The following CERS6 variants were observed in gnomAD, a reference collection of about 807,000 sequenced individuals.
The protein encoded by CERS6 is LAG1 homolog, ceramide synthase 6.
A neutral mutation model predicts 56.8 loss-of-function variants in CERS6; 26 were observed. The ratio of observed to expected loss-of-function variants is 0.46; its 90% CI spans 0.34 to 0.63. CERS6 has a LOEUF of 0.63. Among genes scored for constraint, CERS6 ranks in the 30% least tolerant of loss-of-function variants. The probability of loss-of-function intolerance (pLI) is 0.01; values close to 1 mark genes in which losing one functional copy is unlikely to be tolerated. For synonymous variants in CERS6, 164 were observed against 173.3 expected, an observed-to-expected ratio of 0.95 and a Z score of 0.42; for missense variants, 415 against 467.5, an observed-to-expected ratio of 0.89 and a Z score of 1.04.
intron 2 of CERS6, among the ~76,000 whole-genome samples, chr2:168,556,014 G>T (rs1268140567): frequency 6.6e-6 from 1 of 151,882 alleles, no homozygotes; most frequent in African/African-American, 2.4e-5. Context: ...CAATGTTTCA[G>T]TATATTTACA....
At chr2:168,552,951 C>G (rs1433777595) in intron 2 of CERS6, among the ~76,000 whole-genome samples, 1 of 151,736 alleles carries the variant, frequency 6.6e-6, no homozygotes, top group African/African-American at 2.4e-5. Context: ...AAATATTTTA[C>G]CATAAATTTA....
At chr2:168,475,016 A>G (rs1694043853) in intron 1 of CERS6, among the ~76,000 whole-genome samples, 1 of 152,184 alleles carries the variant, frequency 6.6e-6, no homozygotes, top group South Asian at 2.1e-4. Flanking sequence ...TTCAGCAACA[A>G]CTATGAACTG....
At chr2:168,612,186 G>A (rs550606212) in intron 3 of CERS6, among the ~76,000 whole-genome samples, 6 of 152,174 alleles carry the variant, frequency 3.9e-5, no homozygotes, top group Non-Finnish European at 7.3e-5. Flanking sequence ...CATAGGGAGT[G>A]CCCAGGATCA....
At chr2:168,486,901 G>A (rs1019740457) in intron 1 of CERS6, among the ~76,000 whole-genome samples, 4 of 152,044 alleles carry the variant, frequency 2.6e-5, no homozygotes, top group Admixed American at 1.3e-4. Context: ...AGCTTTCACC[G>A]CTAATGTCAA....
At chr2:168,481,141 C>T (rs114015387) in intron 1 of CERS6, among the ~76,000 whole-genome samples, 2,945 of 152,230 alleles carry the variant, frequency 0.019, 71 homozygotes, top group African/African-American at 0.052. Context: ...GCTGGCCGGG[C>T]GCAGTGGCTC....
At chr2:168,487,592 G>A (rs1694297720) in intron 1 of CERS6, among the ~76,000 whole-genome samples, 1 of 152,134 alleles carries the variant, frequency 6.6e-6, no homozygotes, top group Non-Finnish European at 1.5e-5. Context: ...ATAACCTTAT[G>A]CTTACTTTAG....
rs773136218 is a variant in CERS6, at chr2:168,691,059, A to G, written c.491A>G (p.His164Arg). 5.0e-6 allele frequency: 8 copies of G among 1,613,268 alleles called. No homozygotes were observed. In the Admixed American group the frequency reaches 1.2e-4, roughly 24 times the overall value. The change falls in exon 5 of 10, where the codon CAT becomes CGT. Residue 164 changes from histidine to arginine, a missense_variant. His to Arg is a conservative substitution (Grantham distance 29, BLOSUM62 0). Transcript: ENST00000305747. ...KKTPWLWNTR[H>R]CWYNYPYQPL... is the part of the protein sequence containing the mutation. ...ACCCCCTGGTTGTGGAATACGAGGC[A>G]TTGCTGGTACAACTACCCCTATCAG...
intron 1 of CERS6, among the ~76,000 whole-genome samples, chr2:168,511,222 T>C (rs968458027): frequency 6.6e-6 from 1 of 152,244 alleles, no homozygotes; most frequent in Non-Finnish European, 1.5e-5. Context: ...TTTCATGATT[T>C]AATTCTACAT....
intron 8 of CERS6, among the ~76,000 whole-genome samples, chr2:168,732,355 G>A (rs1359356966): frequency 6.6e-6 from 1 of 152,106 alleles, no homozygotes; most frequent in Non-Finnish European, 1.5e-5. Context: ...CTTGCACCTG[G>A]TGCTGGTGCC....
At chr2:168,509,009 T>C (rs1694730928) in intron 1 of CERS6, among the ~76,000 whole-genome samples, 1 of 152,198 alleles carries the variant, frequency 6.6e-6, no homozygotes, top group South Asian at 2.1e-4. Context: ...ACTTTCTAGA[T>C]GGTAATTTAA....
At chr2:168,759,341 C>T (rs1466639103) in intron 8 of CERS6, among the ~76,000 whole-genome samples, 2 of 152,116 alleles carry the variant, frequency 1.3e-5, no homozygotes, top group Non-Finnish European at 2.9e-5. Flanking sequence ...CTGGGACTCA[C>T]CCTTGGCAAA....
At chr2:168,525,605 G>A (rs976131763) in intron 1 of CERS6, among the ~76,000 whole-genome samples, 2 of 152,178 alleles carry the variant, frequency 1.3e-5, no homozygotes, top group Non-Finnish European at 2.9e-5. Context: ...CATTCAATGG[G>A]CTTTTGGGCC....
intron 1 of CERS6, among the ~76,000 whole-genome samples, chr2:168,492,813 A>G (rs974811929): frequency 6.6e-6 from 1 of 152,154 alleles, no homozygotes; most frequent in African/African-American, 2.4e-5. Flanking sequence ...ATTATTTTGT[A>G]TTAAAAAGTT....
At chr2:168,517,933 C>T (rs151338004) in intron 1 of CERS6, among the ~76,000 whole-genome samples, 198 of 152,212 alleles carry the variant, frequency 1.3e-3, no homozygotes, top group Non-Finnish European at 2.5e-3. Flanking sequence ...AATTAAGATG[C>T]GTGCCCTTAA....
chr2:168,747,838 A>AAC (rs35177635), intron 8 of CERS6, among the ~76,000 whole-genome samples: 87,072 of 149,898 alleles, frequency 0.58, 25,368 homozygotes, highest in African/African-American at 0.65. Context: ...CTCACACATA[A>AAC]ACACACACAC....
At chr2:168,622,441 A>G (rs1684494672) in intron 3 of CERS6, among the ~76,000 whole-genome samples, 1 of 142,446 alleles carries the variant, frequency 7.0e-6, no homozygotes, top group Admixed American at 6.8e-5. Context: ...TTTAATGTTT[A>G]TATTTTCTTG....
At chr2:168,679,977 G>T (rs781650672) in intron 4 of CERS6, among the ~76,000 whole-genome samples, 3 of 152,192 alleles carry the variant, frequency 2.0e-5, no homozygotes, top group Non-Finnish European at 2.9e-5. Context: ...GCATGAAACC[G>T]CAGGGAAGCA....
At chr2:168,462,618 C>T (rs544424980) in intron 1 of CERS6, among the ~76,000 whole-genome samples, 2 of 152,284 alleles carry the variant, frequency 1.3e-5, no homozygotes, top group Non-Finnish European at 2.9e-5. Context: ...AACCTTAGCT[C>T]ACTACAGCCT....
At chr2:168,695,238 T>G (rs2288188) in intron 6 of CERS6, among the ~76,000 whole-genome samples, 187 bp downstream of exon 6, 5,024 of 152,258 alleles carry the variant, frequency 0.033, 117 homozygotes, top group East Asian at 0.14. Context: ...TTCTATTGTT[T>G]CTTCGCTCAT....
Sources: allele counts gnomAD v4.1 joint callset (sites outside exome capture counted in the v4.1 genomes callset), GRCh38; gene constraint gnomAD v4.1.1; transcripts MANE v1.5; gene names NCBI Gene and HGNC (gene_info 2026-07-23, HGNC 2026-07-21).